The following DDRGK1 variants were observed in gnomAD, a reference collection of about 807,000 sequenced individuals.
The protein encoded by DDRGK1 is DDRGK domain-containing protein 1.
A neutral mutation model predicts 45.8 loss-of-function variants in DDRGK1; 38 were observed. The observed-to-expected ratio is 0.83, with a 90% CI of 0.64 to 1.09. DDRGK1 has a LOEUF of 1.09. Ranked by LOEUF, DDRGK1 falls within the 50% of genes least tolerant of loss-of-function variation. DDRGK1 has a pLI of 0.00. For synonymous variants in DDRGK1, 171 were observed against 168.7 expected, an observed-to-expected ratio of 1.01 and a Z score of -0.11; for missense variants, 403 against 419.9, an observed-to-expected ratio of 0.96 and a Z score of 0.35.
At chr20:3,198,436 C>T (rs1032794372) in intron 4 of DDRGK1, among the ~76,000 whole-genome samples, 3 of 147,822 alleles carry the variant, frequency 2.0e-5, no homozygotes, top group African/African-American at 5.0e-5. Context: ...TGCAGTGGCT[C>T]ACGCCTGTAA....
In DDRGK1 at chr20:3,203,212, C is replaced by T; in HGVS notation, c.295+1G>A. The T allele has an allele frequency of 6.3e-7, 1 of 1,575,694 alleles. No individual in the cohort carries two copies. The highest frequency in any genetic ancestry group is 8.6e-7 in the Non-Finnish European group (1 of 1,158,930). The stretch of plus-strand genomic sequence containing the variant: ...TCCCCACCAGGCTGGGCCCCTCTCA[C>T]CTAGGATGACAGCTTCCTCCTCGTT... On this transcript the variant is annotated splice_donor_variant, in intron 2 of 8. Transcript: ENST00000354488. LOFTEE classifies it high-confidence loss of function.
In DDRGK1 at chr20:3,200,241, C is replaced by T; in HGVS notation, c.408+101G>A. The T allele has an allele frequency of 3.4e-6, 5 of 1,457,394 alleles. No individual in the cohort carries two copies. In the Middle Eastern group the frequency reaches 7.1e-4, roughly 207 times the overall value. 90.3% of individuals were successfully genotyped at this position (1,457,394 alleles called of 1,614,324 possible). The stretch of plus-strand genomic sequence containing the variant: ...GAGACAGAGCCAGGGAAGCAGCAAA[C>T]ACCAGCCCAGCAGGCAACAAGCCCT... On this transcript the variant is annotated intron_variant, in intron 3 of 8. Coordinates refer to ENST00000354488, the MANE Select transcript of DDRGK1 (RefSeq NM_023935.3).
intron 6 of DDRGK1, among the ~76,000 whole-genome samples, chr20:3,194,024 T>C (rs2066999687): frequency 6.6e-6 from 1 of 152,092 alleles, no homozygotes; most frequent in Non-Finnish European, 1.5e-5. Flanking sequence ...CAGGACCCTC[T>C]CAAAGCTGCC....
At chr20:3,200,768 G>C (rs774769504) in intron 2 of DDRGK1, among the ~76,000 whole-genome samples, 1 of 152,078 alleles carries the variant, frequency 6.6e-6, no homozygotes, top group Non-Finnish European at 1.5e-5. Context: ...ACAAGGTCAG[G>C]AGATTGAGAC....
chr20:3,194,755 C>A (rs533750856), intron 6 of DDRGK1, 75 bp downstream of exon 6: 2 of 1,590,180 alleles, frequency 1.3e-6, no homozygotes, highest in Non-Finnish European at 1.7e-6. Context: ...CTGCCTGCAG[C>A]CCCCGCTGGA....
chr20:3,200,211 G>A (rs2067029912), intron 3 of DDRGK1, 109 bp from the exon 4 acceptor site: 36 of 1,460,324 alleles, frequency 2.5e-5, no homozygotes, highest in South Asian at 1.4e-4. Flanking sequence ...AGACCCAGGC[G>A]GCAGGAGACA....
chr20:3,191,442 T>C (rs2066988956), intron 7 of DDRGK1: 2 of 662,654 alleles, frequency 3.0e-6, no homozygotes, highest in East Asian at 2.7e-5. Context: ...AGAGTATCTC[T>C]TCCTGTTAGA....
intron 4 of DDRGK1, 55 bp from the exon 5 acceptor site, chr20:3,195,408 TGTTCTG>T (rs752037801): frequency 6.6e-7 from 1 of 1,526,398 alleles, no homozygotes; most frequent in Non-Finnish European, 8.8e-7. Flanking sequence ...GGCAGGCACC[TGTTCTG>T]GTTGCTGCTA....
chr20:3,196,476 G>T (rs992554582), intron 4 of DDRGK1, among the ~76,000 whole-genome samples: 1 of 151,078 alleles, frequency 6.6e-6, no homozygotes, highest in Admixed American at 6.6e-5. Context: ...AGGAGATCGA[G>T]ACCATCCTGG....
At chr20:3,196,561 G>A (rs1399998242) in intron 4 of DDRGK1, among the ~76,000 whole-genome samples, 7 of 151,314 alleles carry the variant, frequency 4.6e-5, no homozygotes, top group Non-Finnish European at 1.0e-4. Context: ...GGCGCCTGTA[G>A]TCCCAGCTAC....
intron 2 of DDRGK1, among the ~76,000 whole-genome samples, chr20:3,202,478 T>C (rs1392567034): frequency 6.6e-6 from 1 of 152,148 alleles, no homozygotes; most frequent in African/African-American, 2.4e-5. Context: ...ATTATCCCTT[T>C]GCCCATCAAA....
intron 6 of DDRGK1, among the ~76,000 whole-genome samples, chr20:3,192,739 A>C (rs888691403): frequency 3.9e-5 from 6 of 152,218 alleles, no homozygotes; most frequent in Admixed American, 1.3e-4. Flanking sequence ...CACACAGCAC[A>C]GGACTTGAGA....
rs376141040 is a variant in DDRGK1, at chr20:3,204,641, G to C, written c.-14C>G. The stretch of plus-strand genomic sequence containing the variant: ...AGGCGCCACCATGACGAGGGCCTCA[G>C]TGCAGAACCACTGCGTCCACCCTGA... On this transcript the variant is annotated 5_prime_UTR_variant, in exon 1 of 9. Transcript: ENST00000354488. 16 of 1,570,768 alleles carry C rather than the reference G, an allele frequency of 1.0e-5. No homozygotes were observed. Among genetic ancestry groups the C allele is most frequent in the African/African-American group, 1.3e-5 (1 of 74,372 alleles).
At position 3,204,528 on chromosome 20, in the gene DDRGK1, A is replaced by T. The variant is rs41281856; in HGVS notation, c.91+9T>A. The T allele has an allele frequency of 0.15, 230,068 of 1,554,756 alleles. 18,627 individuals carry two copies. The highest frequency in any genetic ancestry group is 0.16 in the Non-Finnish European group (190,097 of 1,156,704). The stretch of plus-strand genomic sequence containing the variant: ...GTACCACCAACCCTGGTGCAGCGGC[A>T]TCTCCTACCTGATGCCGCCCGGCCC... On this transcript the variant is annotated intron_variant, in intron 1 of 8. Coordinates refer to ENST00000354488, the MANE Select transcript of DDRGK1 (RefSeq NM_023935.3).
intron 5 of DDRGK1, 137 bp downstream of exon 5, chr20:3,195,094 A>C: frequency 2.0e-6 from 3 of 1,473,822 alleles, no homozygotes; most frequent in African/African-American, 1.4e-5. Flanking sequence ...TCTGGCCACT[A>C]AAGCCTGCTG....
chr20:3,195,472 G>A, intron 4 of DDRGK1, 119 bp from the exon 5 acceptor site: 1 of 1,402,050 alleles, frequency 7.1e-7, no homozygotes, highest in African/African-American at 1.5e-5. Flanking sequence ...CTCAGAGACA[G>A]AGCTCCTTCA....
chr20:3,203,826 T>C (rs1225697272), intron 1 of DDRGK1, among the ~76,000 whole-genome samples: 3 of 152,196 alleles, frequency 2.0e-5, no homozygotes, highest in Non-Finnish European at 4.4e-5. Flanking sequence ...CGGGAAGACC[T>C]GCTGGATCTC....
In DDRGK1 at chr20:3,204,382, C is replaced by T. The variant is rs752192344; in HGVS notation, c.91+155G>A. ...GCCACCGATTCCAGGTAGGGCACTG[C>T]GGAAGCCCCACCCGGCACACGACTA... On this transcript the variant is annotated intron_variant, in intron 1 of 8. Coordinates refer to ENST00000354488, the MANE Select transcript of DDRGK1 (RefSeq NM_023935.3). Among the ~76,000 whole-genome samples the T allele has an allele frequency of 3.9e-5, 6 of 152,102 alleles. No individual in the cohort carries two copies. In the South Asian group the frequency reaches 8.3e-4, roughly 21 times the overall value.
intron 4 of DDRGK1, among the ~76,000 whole-genome samples, chr20:3,198,458 C>T (rs1428859422): frequency 6.8e-6 from 1 of 147,172 alleles, no homozygotes; most frequent in South Asian, 2.2e-4. Flanking sequence ...CCCAGCGCTT[C>T]GGGAGGCTGA....
Sources: allele counts gnomAD v4.1 joint callset (sites outside exome capture counted in the v4.1 genomes callset), GRCh38; gene constraint gnomAD v4.1.1; transcripts MANE v1.5; gene names NCBI Gene and HGNC (gene_info 2026-07-23, HGNC 2026-07-21).